Variants in MSR1 observed in about 807,000 individuals in gnomAD.
MSR1 encodes the protein macrophage scavenger receptor 1, also known as macrophage scavenger receptor types I and II.
MSR1 carries 53 observed loss-of-function variants against 47.2 expected under a neutral mutation model. The ratio of observed to expected loss-of-function variants is 1.12; its 90% CI spans 0.90 to 1.41. The LOEUF (loss-of-function observed/expected upper bound fraction) is 1.41. Ranked by LOEUF, MSR1 falls within the 40% of genes most tolerant of loss-of-function variation. The pLI is 0.00. For missense variants in MSR1, 786 were observed against 546.9 expected (o/e 1.44, Z -4.36); for synonymous variants, 239 against 185.6 (o/e 1.29, Z -2.34).
intron 2 of MSR1, among the ~76,000 whole-genome samples, chr8:16,176,564 G>C (rs34001536): frequency 0.011 from 1,713 of 151,300 alleles, 26 homozygotes; most frequent in African/African-American, 0.039. Flanking sequence ...AAGATGGAAG[G>C]AAAAAAGAAA....
rs34003040 is a variant in MSR1, at chr8:16,149,578, C to G, written c.979+653G>C. Among the ~76,000 whole-genome samples the G allele has an allele frequency of 1.9e-3, 282 of 152,128 alleles. 1 individual carries two copies. Among genetic ancestry groups the G allele is most frequent in the African/African-American group, 6.5e-3 (271 of 41,526 alleles). On this transcript the variant is annotated intron_variant, in intron 7 of 9. Transcript: ENST00000262101. ...CACTTTGAAATGAGGAGACAGTAAGCCTAGCTCTTTCTAAGATTGCTGTTC... is the reference window on the plus strand; with the variant it reads ...CACTTTGAAATGAGGAGACAGTAAGGCTAGCTCTTTCTAAGATTGCTGTTC...
chr8:16,150,792 A>G (rs1275444019), intron 6 of MSR1, among the ~76,000 whole-genome samples: 1 of 151,790 alleles, frequency 6.6e-6, no homozygotes, highest in Non-Finnish European at 1.5e-5. Context: ...TACTTTATCT[A>G]TCATGGACCT....
chr8:16,110,198 T>C lies in MSR1; in HGVS notation c.1243A>G (p.Asn415Asp). 1 of 1,613,578 alleles carries C rather than the reference T, an allele frequency of 6.2e-7. No individual in the cohort carries two copies. The highest frequency in any genetic ancestry group is 8.5e-7 in the Non-Finnish European group (1 of 1,179,628). ...TCTCTCCCAAAACAAAACACTTCAT[T>C]CAGCCATATTGGACCAGTACCTGCA... ...FGQGTGPIWL[N>D]EVFCFGRESS... Residue 415 changes from asparagine to aspartate, a missense_variant, in exon 10 of 10, where the codon AAT becomes GAT. Physicochemically the swap from Asn to Asp is conservative, Grantham distance 23. Coordinates refer to ENST00000262101, the MANE Select transcript of MSR1 (RefSeq NM_138715.3).
chr8:16,146,086 C>T (rs972334277), intron 7 of MSR1, among the ~76,000 whole-genome samples: 2 of 151,996 alleles, frequency 1.3e-5, no homozygotes, highest in African/African-American at 4.8e-5. Flanking sequence ...TTATATGAGC[C>T]GGATACTAGG....
chr8:16,111,345 A>T (rs1451457719), intron 9 of MSR1, among the ~76,000 whole-genome samples: 1 of 152,194 alleles, frequency 6.6e-6, no homozygotes, highest in Non-Finnish European at 1.5e-5. Flanking sequence ...AACAGAAATT[A>T]AACTTTTGGT....
intron 1 of MSR1, among the ~76,000 whole-genome samples, chr8:16,189,780 CTTAT>C (rs1802141444): frequency 7.7e-6 from 1 of 129,358 alleles, no homozygotes; most frequent in Non-Finnish European, 1.6e-5. Flanking sequence ...TATATAAAAT[CTTAT>C]TTATACAGCC....
At chr8:16,131,448 T>G (rs1175373438) in intron 8 of MSR1, among the ~76,000 whole-genome samples, 1 of 147,086 alleles carries the variant, frequency 6.8e-6, no homozygotes. Flanking sequence ...ATAGTTTTTT[T>G]TTTTTTTTTT....
chr8:16,158,806 G>A (rs1388650063), intron 5 of MSR1, among the ~76,000 whole-genome samples: 1 of 151,490 alleles, frequency 6.6e-6, no homozygotes, highest in East Asian at 1.9e-4. Flanking sequence ...CTGATCCTAT[G>A]CTACCATGTT....
At chr8:16,121,324 T>C (rs1800001497) in intron 8 of MSR1, 2 of 268,144 alleles carry the variant, frequency 7.5e-6, no homozygotes, top group South Asian at 3.9e-5. Flanking sequence ...AAAAGTAATT[T>C]TGTTCTGTAA....
intron 1 of MSR1, among the ~76,000 whole-genome samples, chr8:16,191,745 C>T (rs388391): frequency 0.24 from 35,803 of 151,846 alleles, 6,338 homozygotes; most frequent in East Asian, 0.52. Flanking sequence ...CATAAAACAT[C>T]TGTAATCTCA....
intron 8 of MSR1, 87 bp downstream of exon 8, chr8:16,143,471 G>T: frequency 1.6e-6 from 2 of 1,221,300 alleles, no homozygotes; most frequent in Non-Finnish European, 1.2e-6. Flanking sequence ...CTGAAGTTGC[G>T]AACATTTGCC....
Position 16,156,455 on chromosome 8 carries a change from G to A in MSR1, c.818-1311C>T, listed in dbSNP as rs34131652. ...TGACTCTACTTCTGTCTATTCCTCTGGTATGTCCCATTTTCAAGGTACAAT... is the reference window on the plus strand; with the variant it reads ...TGACTCTACTTCTGTCTATTCCTCTAGTATGTCCCATTTTCAAGGTACAAT... On this transcript the variant is annotated intron_variant, in intron 5 of 9. Transcript: ENST00000262101. 5.6e-3 allele frequency among the ~76,000 whole-genome samples: 844 copies of A among 151,834 alleles called. 25 individuals carry two copies. The East Asian group carries it at 0.097, about 17-fold the overall frequency.
intron 8 of MSR1, among the ~76,000 whole-genome samples, chr8:16,126,538 G>C (rs1054595936): frequency 2.0e-5 from 3 of 152,078 alleles, no homozygotes; most frequent in Non-Finnish European, 2.9e-5. Context: ...GAAGATAACT[G>C]ATTCTTTATT....
chr8:16,188,024 A>G (rs1337524652), intron 1 of MSR1, among the ~76,000 whole-genome samples: 1 of 152,168 alleles, frequency 6.6e-6, no homozygotes, highest in Non-Finnish European at 1.5e-5. Context: ...TCAGTTCCAC[A>G]GTTAGGACAA....
intron 3 of MSR1, among the ~76,000 whole-genome samples, chr8:16,169,402 C>T (rs34378131): frequency 5.9e-5 from 9 of 152,198 alleles, no homozygotes; most frequent in African/African-American, 1.2e-4. Context: ...GCCAGAAAAG[C>T]GTCATTTTCA....
At position 16,108,618 on chromosome 8, in the gene MSR1, T is replaced by C. The variant is rs770128435; in HGVS notation, c.*1467A>G. 6.6e-6 allele frequency: 1 copy of C among 152,120 alleles called. No individual in the cohort carries two copies. Among genetic ancestry groups the C allele is most frequent in the Non-Finnish European group, 1.5e-5 (1 of 67,990 alleles). 9.4% of individuals were successfully genotyped at this position (152,120 alleles called of 1,614,324 possible). ...CAGGGTTTGAGACAGAAAGTGTACA[T>C]TCAGAATTCATTCTCTTAACCACAA... On this transcript the variant is annotated 3_prime_UTR_variant, in exon 10 of 10. Transcript: ENST00000262101.
intron 1 of MSR1, among the ~76,000 whole-genome samples, chr8:16,184,375 G>C (rs1801932348): frequency 1.3e-5 from 2 of 152,012 alleles, no homozygotes; most frequent in African/African-American, 4.8e-5. Flanking sequence ...ATTTTCTTGA[G>C]TACCTTCGAG....
intron 9 of MSR1, among the ~76,000 whole-genome samples, chr8:16,110,489 G>GT (rs1432406502): frequency 1.3e-5 from 2 of 152,034 alleles, no homozygotes; most frequent in African/African-American, 4.8e-5. Flanking sequence ...GATTAAGAAT[G>GT]TTTTTTTAAG....
At chr8:16,179,171 G>A (rs1420163125) in intron 1 of MSR1, among the ~76,000 whole-genome samples, 3 of 152,150 alleles carry the variant, frequency 2.0e-5, no homozygotes, top group African/African-American at 7.2e-5. Flanking sequence ...AAAATAACTT[G>A]TAAAATGATT....
Sources: allele counts gnomAD v4.1 joint callset (sites outside exome capture counted in the v4.1 genomes callset), GRCh38; gene constraint gnomAD v4.1.1; transcripts MANE v1.5; gene names NCBI Gene and HGNC (gene_info 2026-07-23, HGNC 2026-07-21).